Variants in C2CD3 observed in about 807,000 individuals in gnomAD.
C2CD3 encodes the protein C2 domain-containing protein 3.
In C2CD3, 148 loss-of-function variants were observed where a neutral mutation model predicts 234.0. The observed-to-expected ratio is 0.63, with a 90% CI of 0.55 to 0.72. The LOEUF is 0.72. Ranked by LOEUF, C2CD3 falls within the 30% of genes least tolerant of loss-of-function variation. C2CD3 has a pLI of 0.00. For missense variants in C2CD3, 2,577 were observed against 2,811.5 expected (o/e 0.92, Z 1.89); for synonymous variants, 1,000 against 1,035.4 (o/e 0.97, Z 0.66).
At chr11:74,126,580 T>A (rs1397805393) in intron 7 of C2CD3, among the ~76,000 whole-genome samples, 1 of 152,018 alleles carries the variant, frequency 6.6e-6, no homozygotes, top group Non-Finnish European at 1.5e-5. Flanking sequence ...CCATCTCTAC[T>A]AAAGATACAA....
chr11:74,090,603 G>C (rs1193707794), intron 20 of C2CD3, among the ~76,000 whole-genome samples: 2 of 152,120 alleles, frequency 1.3e-5, no homozygotes, highest in African/African-American at 4.8e-5. Flanking sequence ...AAATTGTTGG[G>C]CAAGGTCAAG....
intron 31 of C2CD3, among the ~76,000 whole-genome samples, chr11:74,032,368 G>A (rs536208327): frequency 1.0e-3 from 159 of 152,266 alleles, no homozygotes; most frequent in African/African-American, 3.6e-3. Context: ...TAGCAGGTGA[G>A]CTGATCTGAT....
intron 2 of C2CD3, among the ~76,000 whole-genome samples, chr11:74,166,238 A>G (rs1277324728): frequency 6.6e-6 from 1 of 151,528 alleles, no homozygotes; most frequent in East Asian, 2.0e-4. Context: ...TGAACCCAGG[A>G]AGTGGGAGGC....
intron 28 of C2CD3, among the ~76,000 whole-genome samples, chr11:74,046,191 T>G (rs1181270724): frequency 6.6e-6 from 1 of 152,180 alleles, no homozygotes; most frequent in East Asian, 1.9e-4. Context: ...ATATCTACCA[T>G]CTCCAAAAGT....
chr11:74,033,661 A>AACC lies in C2CD3; in HGVS notation c.6498_6499insGGT (p.Glu2166_Ser2167insGly). The AACC allele has an allele frequency of 6.5e-7, 1 of 1,535,992 alleles. No individual in the cohort carries two copies. The highest frequency in any genetic ancestry group is 1.2e-5 in the South Asian group (1 of 84,056). On this transcript the variant is annotated inframe_insertion, in exon 31 of 33. Coordinates refer to ENST00000334126, the MANE Select transcript of C2CD3 (RefSeq NM_001286577.2). ...ATGGGCTGAGGGTTGGCTGAGGCAGACTCGCCACCAACCCTGGCCTTAGAG... is the reference window on the plus strand; with the variant it reads ...ATGGGCTGAGGGTTGGCTGAGGCAGAACCCTCGCCACCAACCCTGGCCTTAGAG...
Position 74,114,514 on chromosome 11 carries a change from G to T in C2CD3, c.1600C>A (p.Leu534Ile). The T allele has an allele frequency of 6.2e-7, 1 of 1,613,862 alleles. No homozygotes were observed. Among genetic ancestry groups the T allele is most frequent in the Non-Finnish European group, 8.5e-7 (1 of 1,179,826 alleles). The stretch of plus-strand genomic sequence containing the variant: ...CTGACTGAATGTGTTCTACCCAAAA[G>T]GGCCAGTCTATCCACACTTAGTGTC... Reference protein sequence around the residue: ...TMTLSVDRLALLGRTHSVRII... With the variant: ...TMTLSVDRLAILGRTHSVRII... The change falls in exon 10 of 33, where the codon CTT (leucine) becomes ATT (isoleucine). Residue 534 changes from leucine to isoleucine, a missense_variant. By Grantham distance (5) the Leu-to-Ile change is conservative. Coordinates refer to ENST00000334126, the MANE Select transcript of C2CD3 (RefSeq NM_001286577.2).
At chr11:74,066,126 G>C (rs1285502893) in intron 24 of C2CD3, among the ~76,000 whole-genome samples, 2 of 150,652 alleles carry the variant, frequency 1.3e-5, no homozygotes, top group African/African-American at 4.9e-5. Flanking sequence ...CATAAGAAAG[G>C]ATGAGTTCGT....
chr11:74,072,330 G>A (rs1481420372), intron 24 of C2CD3, among the ~76,000 whole-genome samples: 2 of 152,164 alleles, frequency 1.3e-5, no homozygotes, highest in South Asian at 2.1e-4. Flanking sequence ...TAGTATAAAC[G>A]GGGAGGAGTA....
chr11:74,097,580 A>C (rs944875694), intron 16 of C2CD3, among the ~76,000 whole-genome samples: 2 of 152,220 alleles, frequency 1.3e-5, no homozygotes, highest in Non-Finnish European at 2.9e-5. Context: ...TGCTTTCTCA[A>C]CTGGACAGCA....
At chr11:74,070,624 C>T (rs1483394619) in intron 24 of C2CD3, 2 of 152,182 alleles carry the variant, frequency 1.3e-5, no homozygotes, top group East Asian at 3.8e-4. Flanking sequence ...TCTCCAGTAT[C>T]TTTTTCATAC....
intron 7 of C2CD3, among the ~76,000 whole-genome samples, chr11:74,124,827 T>C (rs1345742595): frequency 6.6e-6 from 1 of 152,226 alleles, no homozygotes; most frequent in Non-Finnish European, 1.5e-5. Flanking sequence ...TTGCTTGTTA[T>C]TCCCCACTTT....
rs540540211 is a variant in C2CD3 at position 74,112,506 on chromosome 11, G to A, written c.1843+1274C>T. 3.9e-5 allele frequency among the ~76,000 whole-genome samples: 6 copies of A among 152,082 alleles called. No individual in the cohort carries two copies. In the East Asian group the frequency reaches 1.2e-3, roughly 29 times the overall value. On this transcript the variant is annotated intron_variant, in intron 11 of 32. Coordinates refer to ENST00000334126, the MANE Select transcript of C2CD3 (RefSeq NM_001286577.2). ...TGTGCTGTAAACAATACCATCTAGA[G>A]AGTGAAAGGACAACCCACAGAATGG...
At chr11:74,024,844 A>G (rs1449126512) in intron 32 of C2CD3, among the ~76,000 whole-genome samples, 1 of 152,100 alleles carries the variant, frequency 6.6e-6, no homozygotes, top group Admixed American at 6.5e-5. Context: ...GCCCATCACT[A>G]GCCAGGATGA....
At chr11:74,117,849 G>T (rs1158484325) in intron 9 of C2CD3, among the ~76,000 whole-genome samples, 3 of 151,216 alleles carry the variant, frequency 2.0e-5, no homozygotes, top group South Asian at 4.2e-4. Context: ...GGAGGTGGAG[G>T]TTGCGGTGAT....
At chr11:74,102,445 AAATGTAGACAT>A (rs778266933) in intron 14 of C2CD3, among the ~76,000 whole-genome samples, 14 of 152,380 alleles carry the variant, frequency 9.2e-5, no homozygotes, top group Admixed American at 3.3e-4. Flanking sequence ...GCTTATATAG[AAATGTAGACAT>A]GGAAGTTATC....
In C2CD3 at chr11:74,026,498, A is replaced by G. The variant is rs1002925562; in HGVS notation, c.6921+1789T>C. The stretch of plus-strand genomic sequence containing the variant: ...CCAGGACTATAACTTTAGGACTACA[A>G]CTCTCAGGATACTTCTGTACTGACC... On this transcript the variant is annotated intron_variant, in intron 32 of 32. Coordinates refer to ENST00000334126, the MANE Select transcript of C2CD3 (RefSeq NM_001286577.2). Among the ~76,000 whole-genome samples the G allele has an allele frequency of 1.4e-4, 22 of 152,068 alleles. 2 individuals carry two copies. Among genetic ancestry groups the G allele is most frequent in the Non-Finnish European group, 1.5e-5 (1 of 68,000 alleles).
Position 74,103,139 on chromosome 11 carries a change from A to G in C2CD3, c.2572T>C (p.Phe858Leu). 1.2e-6 allele frequency: 2 copies of G among 1,608,416 alleles called. No individual in the cohort carries two copies. The highest frequency in any genetic ancestry group is 1.7e-6 in the Non-Finnish European group (2 of 1,175,986). The change falls in exon 14 of 33, where the codon TTT becomes CTT. Residue 858 changes from phenylalanine (F) to leucine (L), a missense_variant. Physicochemically the swap from Phe to Leu is conservative, Grantham distance 22. Coordinates refer to ENST00000334126, the MANE Select transcript of C2CD3 (RefSeq NM_001286577.2). ...GGAATGTACAAAGTTACCTGAGAAA[A>G]GTTAAAGACCGGTTGTGTTGTGCCC... ...AWGTTQPVFN[F>L]SQVIPVSLSS...
intron 9 of C2CD3, 125 bp downstream of exon 9, chr11:74,118,103 T>C (rs1490060937): frequency 1.6e-6 from 1 of 632,370 alleles, no homozygotes; most frequent in African/African-American, 1.9e-5. Flanking sequence ...ATTACAATGT[T>C]TACTGAGTTA....
chr11:74,096,775 T>C (rs992823436), intron 16 of C2CD3, among the ~76,000 whole-genome samples: 3 of 152,218 alleles, frequency 2.0e-5, no homozygotes, highest in South Asian at 2.1e-4. Flanking sequence ...GATATTAATG[T>C]GGCTTTTCTT....
Sources: allele counts gnomAD v4.1 joint callset (sites outside exome capture counted in the v4.1 genomes callset), GRCh38; gene constraint gnomAD v4.1.1; transcripts MANE v1.5; gene names NCBI Gene and HGNC (gene_info 2026-07-23, HGNC 2026-07-21).